SPTLC2: variants seen among roughly 807,000 people sequenced by gnomAD.
The protein encoded by SPTLC2 is serine palmitoyltransferase 2.
In SPTLC2, 21 loss-of-function variants were observed where a neutral mutation model predicts 62.0. The observed-to-expected ratio is 0.34, with a 90% confidence interval of 0.24 to 0.49. SPTLC2 has a LOEUF of 0.49. Among genes scored for constraint, SPTLC2 ranks in the 20% least tolerant of loss-of-function variants. The pLI is 0.99. For missense variants in SPTLC2, 511 were observed against 713.0 expected (o/e 0.72, Z 3.23); for synonymous variants, 261 against 261.8 (o/e 1.00, Z 0.03).
In SPTLC2 at chr14:77,555,367, A is replaced by C; in HGVS notation, c.1109T>G (p.Val370Gly). The C allele has an allele frequency of 6.2e-7, 1 of 1,614,026 alleles. No individual in the cohort carries two copies. The highest frequency in any genetic ancestry group is 8.5e-7 in the Non-Finnish European group (1 of 1,180,012). Residue 370 changes from valine (V) to glycine (G), a missense_variant, in exon 8 of 12, where the codon GTG becomes GGG. Transcript: ENST00000216484. ...VEYFGLDPED[V>G]DVMMGTFTKS... ...TGTGAACGTTCCCATCATAACATCC[A>C]CATCCTCGGGATCCAGGCCAAAGTA...
chr14:77,596,345 A>C (rs536950112), intron 2 of SPTLC2, among the ~76,000 whole-genome samples: 8 of 147,896 alleles, frequency 5.4e-5, no homozygotes, highest in African/African-American at 1.7e-4. Context: ...CTCAAAAAAA[A>C]AAAAAAAATT....
chr14:77,588,244 TG>T (rs1386794565), intron 2 of SPTLC2, among the ~76,000 whole-genome samples: 2 of 152,082 alleles, frequency 1.3e-5, no homozygotes, highest in Non-Finnish European at 2.9e-5. Context: ...AGCTGGAAAA[TG>T]TATTTTCTAC....
chr14:77,586,107 G>C (rs2079779974), intron 2 of SPTLC2, among the ~76,000 whole-genome samples: 1 of 126,908 alleles, frequency 7.9e-6, no homozygotes, highest in African/African-American at 2.9e-5. Flanking sequence ...ATGGAGTCTT[G>C]CTCTGTTACC....
chr14:77,605,805 C>T (rs1202844806), intron 1 of SPTLC2, among the ~76,000 whole-genome samples: 6 of 152,318 alleles, frequency 3.9e-5, no homozygotes, highest in Admixed American at 2.6e-4. Context: ...AAATTAAGCA[C>T]AATCTCACAG....
At chr14:77,577,832 A>G (rs1388411177) in intron 3 of SPTLC2, among the ~76,000 whole-genome samples, 3 of 152,158 alleles carry the variant, frequency 2.0e-5, no homozygotes, top group African/African-American at 7.2e-5. Context: ...CCCAGGAGGC[A>G]GAGCTTGCAG....
chr14:77,557,540 CGA>C (rs1491247958), intron 6 of SPTLC2, among the ~76,000 whole-genome samples: 3 of 152,084 alleles, frequency 2.0e-5, no homozygotes, highest in Non-Finnish European at 4.4e-5. Flanking sequence ...AAAGACAGAG[CGA>C]GAGAGTGTGA....
intron 7 of SPTLC2, 28 bp from the exon 8 acceptor site, chr14:77,555,547 T>C (rs1159242641): frequency 3.1e-6 from 5 of 1,593,092 alleles, no homozygotes; most frequent in Middle Eastern, 1.7e-4. Context: ...AATATATATA[T>C]ACACATATAC....
chr14:77,588,344 T>A (rs1233562371), intron 2 of SPTLC2, among the ~76,000 whole-genome samples: 1 of 152,006 alleles, frequency 6.6e-6, no homozygotes, highest in Non-Finnish European at 1.5e-5. Flanking sequence ...AATTTTTAAA[T>A]CCCAAATAAT....
At chr14:77,600,544 C>T (rs148757642) in intron 1 of SPTLC2, among the ~76,000 whole-genome samples, 56 of 152,282 alleles carry the variant, frequency 3.7e-4, no homozygotes, top group African/African-American at 1.3e-3. Flanking sequence ...TGAGGAAAAA[C>T]ACCAGGTCTG....
intron 5 of SPTLC2, among the ~76,000 whole-genome samples, chr14:77,567,224 G>A (rs2079650265): frequency 6.6e-6 from 1 of 152,150 alleles, no homozygotes; most frequent in South Asian, 2.1e-4. Context: ...CCAAAGTGCT[G>A]GGATTACAGG....
intron 1 of SPTLC2, among the ~76,000 whole-genome samples, chr14:77,599,069 C>T (rs911669454): frequency 1.3e-5 from 2 of 152,138 alleles, no homozygotes; most frequent in Non-Finnish European, 2.9e-5. Flanking sequence ...TAAGATTATC[C>T]CTTGTTTTAA....
chr14:77,566,880 A>G (rs547212248), intron 5 of SPTLC2, among the ~76,000 whole-genome samples: 1 of 152,284 alleles, frequency 6.6e-6, no homozygotes, highest in South Asian at 2.1e-4. Flanking sequence ...ATTCAGTATC[A>G]GATTCAAAGG....
At chr14:77,526,382 T>C (rs2079409268) in intron 9 of SPTLC2, among the ~76,000 whole-genome samples, 1 of 152,232 alleles carries the variant, frequency 6.6e-6, no homozygotes, top group Non-Finnish European at 1.5e-5. Context: ...AGTTTTTATC[T>C]TTGGCTCCGA....
intron 9 of SPTLC2, among the ~76,000 whole-genome samples, chr14:77,548,432 T>TGGTTTGACCA (rs2079540448): frequency 6.6e-6 from 1 of 152,268 alleles, no homozygotes; most frequent in Non-Finnish European, 1.5e-5. Context: ...AGCAAAATTT[T>TGGTTTGACCA]AGTTGATTTG....
Position 77,576,867 on chromosome 14 carries a change from G to A in SPTLC2, c.531C>T (p.Asn177=). The A allele has an allele frequency of 1.9e-6, 3 of 1,614,118 alleles. No individual in the cohort carries two copies. Among genetic ancestry groups the A allele is most frequent in the Non-Finnish European group, 2.5e-6 (3 of 1,180,036 alleles). ...IKGVINMGSY[N]YLGFARNTGS... ...CAGTATTCCGTGCAAATCCAAGATAGTTGTAGGAACCCATGTTTATAACAC... is the reference window on the plus strand; with the variant it reads ...CAGTATTCCGTGCAAATCCAAGATAATTGTAGGAACCCATGTTTATAACAC... Residue 177 remains asparagine (N), a synonymous_variant, in exon 4 of 12, where the codon AAC becomes AAT. Coordinates refer to ENST00000216484, the MANE Select transcript of SPTLC2 (RefSeq NM_004863.4).
At chr14:77,556,304 T>G (rs1227927149) in intron 7 of SPTLC2, among the ~76,000 whole-genome samples, 1 of 147,978 alleles carries the variant, frequency 6.8e-6, no homozygotes, top group Non-Finnish European at 1.5e-5. Flanking sequence ...CACAGCGAGA[T>G]TCCATCTTAA....
At chr14:77,565,780 TTTAG>T (rs1231969038) in intron 5 of SPTLC2, among the ~76,000 whole-genome samples, 14 of 152,340 alleles carry the variant, frequency 9.2e-5, no homozygotes, top group South Asian at 2.1e-4. Flanking sequence ...CGTCCTGTAC[TTTAG>T]TTATAGTATT....
chr14:77,610,854 T>A (rs2079931567), intron 1 of SPTLC2, among the ~76,000 whole-genome samples: 1 of 151,956 alleles, frequency 6.6e-6, no homozygotes, highest in Non-Finnish European at 1.5e-5. Context: ...GAGATCAGCC[T>A]GGGCAACATA....
chr14:77,557,804 T>G (rs149798670), intron 6 of SPTLC2, among the ~76,000 whole-genome samples: 1 of 152,232 alleles, frequency 6.6e-6, no homozygotes, highest in African/African-American at 2.4e-5. Context: ...AACCAAGTTC[T>G]TGTGGCTCTG....
Sources: gnomAD v4.1 joint callset for allele counts (sites outside exome capture counted in the v4.1 genomes callset) on GRCh38, gnomAD v4.1.1 for gene constraint, MANE v1.5 for transcripts, NCBI Gene and HGNC (gene_info 2026-07-23, HGNC 2026-07-21) for gene names.